SESTD1: variants seen among roughly 807,000 people sequenced by gnomAD.
SESTD1 encodes the protein SEC14 domain and spectrin repeat-containing protein 1.
In SESTD1, 43 loss-of-function variants were observed where a neutral mutation model predicts 101.7. That is an observed-to-expected ratio of 0.42 (90% confidence interval 0.33 to 0.55). SESTD1 has a LOEUF of 0.55. Ranked by LOEUF, SESTD1 falls within the 20% of genes least tolerant of loss-of-function variation. SESTD1 has a pLI of 0.07. For synonymous variants in SESTD1, 283 were observed against 286.8 expected, an observed-to-expected ratio of 0.99 and a Z score of 0.13; for missense variants, 647 against 815.1, an observed-to-expected ratio of 0.79 and a Z score of 2.51.
rs1367484732 is a variant in SESTD1 at position 179,210,587 on chromosome 2, T to C, written c.-25-18721A>G. Among the ~76,000 whole-genome samples the C allele has an allele frequency of 3.7e-5, 5 of 135,128 alleles. 2 individuals carry two copies. The highest frequency in any genetic ancestry group is 8.0e-5 in the Non-Finnish European group (5 of 62,778). 88.6% of individuals were successfully genotyped at this position (135,128 alleles called of 152,430 possible). On this transcript the variant is annotated intron_variant, in intron 1 of 17. Transcript: ENST00000428443. ...AAAACAATTAAAAACAAAAATCATA[T>C]AATCATCTCAATAGATGCTGAAAAA...
At chr2:179,136,523 CATTT>C (rs1394004968) in intron 9 of SESTD1, among the ~76,000 whole-genome samples, 3 of 152,114 alleles carry the variant, frequency 2.0e-5, no homozygotes, top group Non-Finnish European at 4.4e-5. Context: ...AATTGCTTCT[CATTT>C]ATCACTATGT....
intron 6 of SESTD1, among the ~76,000 whole-genome samples, chr2:179,150,180 A>C (rs1051375958): frequency 2.6e-5 from 4 of 152,220 alleles, no homozygotes; most frequent in Non-Finnish European, 5.9e-5. Flanking sequence ...TGTGGTGATC[A>C]TGCCACTGCA....
At chr2:179,171,465 C>G (rs1339779006) in intron 5 of SESTD1, among the ~76,000 whole-genome samples, 3 of 152,020 alleles carry the variant, frequency 2.0e-5, no homozygotes, top group Non-Finnish European at 4.4e-5. Context: ...TATATTATAC[C>G]AGGTTGGAGT....
intron 5 of SESTD1, among the ~76,000 whole-genome samples, chr2:179,156,324 A>G (rs1559118850): frequency 6.6e-6 from 1 of 152,046 alleles, no homozygotes; most frequent in African/African-American, 2.4e-5. Flanking sequence ...TCGTATAATG[A>G]CTTCTTTTCT....
chr2:179,150,725 C>T (rs1372999009), intron 6 of SESTD1, among the ~76,000 whole-genome samples: 1 of 151,944 alleles, frequency 6.6e-6, no homozygotes, highest in African/African-American at 2.4e-5. Flanking sequence ...GAGGCTGAGG[C>T]AGGAGAATTA....
At chr2:179,167,998 A>G (rs1017569166) in intron 5 of SESTD1, among the ~76,000 whole-genome samples, 7 of 152,304 alleles carry the variant, frequency 4.6e-5, no homozygotes, top group African/African-American at 1.7e-4. Flanking sequence ...CCTGACCCTC[A>G]GGTGATCCAC....
At chr2:179,150,957 G>A (rs1462548749) in intron 6 of SESTD1, among the ~76,000 whole-genome samples, 1 of 152,122 alleles carries the variant, frequency 6.6e-6, no homozygotes, top group Non-Finnish European at 1.5e-5. Flanking sequence ...TGTTCTAAAT[G>A]CTTTATATGT....
Position 179,109,077 on chromosome 2 carries a change from A to G in SESTD1, c.*822T>C, listed in dbSNP as rs1330855676. On this transcript the variant is annotated 3_prime_UTR_variant, in exon 18 of 18. Transcript: ENST00000428443. ...GTTGAAAAAGAGAAAAATTAGAAAT[A>G]GTATTCCATTATTAATAAGTTCTTA... The G allele has an allele frequency of 6.6e-6, 1 of 152,608 alleles. No individual in the cohort carries two copies. 9.5% of individuals were successfully genotyped at this position (152,608 alleles called of 1,614,324 possible).
intron 10 of SESTD1, among the ~76,000 whole-genome samples, chr2:179,125,161 A>C (rs949014151): frequency 3.3e-5 from 5 of 152,038 alleles, no homozygotes; most frequent in African/African-American, 1.2e-4. Context: ...TGGCCATAAA[A>C]ACGTGTCATC....
Position 179,123,720 on chromosome 2 carries a change from C to G in SESTD1, c.1277G>C (p.Ser426Thr). ...CATTTTTAAAATCTGCTTACCAACA[C>G]TTTTCAGCTTCTCTTCAAGCAGTTT... ...TLKLLEEKLK[S>T]VDVGLQGLRE... The change falls in exon 12 of 18, where the codon AGT (serine) becomes ACT (threonine). Residue 426 changes from serine to threonine, a missense_variant. Around this residue, in one of 3 missense-constraint regions of SESTD1, gnomAD observed 476 missense variants for 562.6 expected, o/e 0.85. Coordinates refer to ENST00000428443, the MANE Select transcript of SESTD1 (RefSeq NM_178123.5). The G allele has an allele frequency of 6.2e-7, 1 of 1,609,464 alleles. No individual in the cohort carries two copies. Among genetic ancestry groups the G allele is most frequent in the African/African-American group, 1.3e-5 (1 of 74,706 alleles).
chr2:179,166,476 AG>A (rs2045837043), intron 5 of SESTD1, among the ~76,000 whole-genome samples: 1 of 152,194 alleles, frequency 6.6e-6, no homozygotes, highest in African/African-American at 2.4e-5. Context: ...AGACTATCAC[AG>A]GGGAGGGAGT....
At chr2:179,259,672 C>T (rs1003903763) in intron 1 of SESTD1, among the ~76,000 whole-genome samples, 1 of 152,098 alleles carries the variant, frequency 6.6e-6, no homozygotes, top group African/African-American at 2.4e-5. Flanking sequence ...CACCAAGCAG[C>T]CTTAAATTAA....
chr2:179,216,628 C>A (rs2046724801), intron 1 of SESTD1, among the ~76,000 whole-genome samples: 1 of 135,326 alleles, frequency 7.4e-6, no homozygotes, highest in South Asian at 2.8e-4. Context: ...TTGGAAAAAA[C>A]TACTTTAAAG....
intron 3 of SESTD1, among the ~76,000 whole-genome samples, chr2:179,182,328 T>C (rs967016950): frequency 2.0e-5 from 3 of 152,122 alleles, no homozygotes; most frequent in Non-Finnish European, 4.4e-5. Context: ...ACAAATCTGG[T>C]TGCACATTAG....
intron 12 of SESTD1, among the ~76,000 whole-genome samples, chr2:179,122,484 G>C (rs980013770): frequency 6.6e-6 from 1 of 151,976 alleles, no homozygotes; most frequent in African/African-American, 2.4e-5. Context: ...CATGTGTAAA[G>C]GAACTTTTTT....
intron 1 of SESTD1, among the ~76,000 whole-genome samples, chr2:179,259,920 C>T (rs2047459102): frequency 6.6e-6 from 1 of 152,184 alleles, no homozygotes. Flanking sequence ...TACCATCCTT[C>T]TTAAAGAGTG....
chr2:179,155,363 C>T (rs925807683), intron 5 of SESTD1, among the ~76,000 whole-genome samples: 1 of 152,044 alleles, frequency 6.6e-6, no homozygotes, highest in Non-Finnish European at 1.5e-5. Flanking sequence ...AGAATGAAAC[C>T]AAGCAATATA....
At chr2:179,258,637 G>T (rs1559166089) in intron 1 of SESTD1, among the ~76,000 whole-genome samples, 1 of 152,138 alleles carries the variant, frequency 6.6e-6, no homozygotes, top group East Asian at 1.9e-4. Context: ...CCAAGCTGCT[G>T]AAGAACTGTA....
At chr2:179,171,072 T>C (rs1236278621) in intron 5 of SESTD1, among the ~76,000 whole-genome samples, 1 of 152,166 alleles carries the variant, frequency 6.6e-6, no homozygotes, top group African/African-American at 2.4e-5. Context: ...AGTCAGGGGC[T>C]AGAAATGGAG....
Sources: allele counts gnomAD v4.1 joint callset (sites outside exome capture counted in the v4.1 genomes callset), GRCh38; gene constraint gnomAD v4.1.1; regional missense constraint gnomAD v4.1.1; transcripts MANE v1.5; gene names NCBI Gene and HGNC (gene_info 2026-07-23, HGNC 2026-07-21).